MICAL2: variants seen among roughly 807,000 people sequenced by gnomAD.
MICAL2 encodes the protein [F-actin]-monooxygenase MICAL2.
MICAL2 carries 77 observed loss-of-function variants against 127.3 expected under a neutral mutation model. The ratio of observed to expected loss-of-function variants is 0.60; its 90% confidence interval spans 0.50 to 0.73. The LOEUF is 0.73. MICAL2 is among the 30% of genes least tolerant of loss of function. The pLI is 0.00. For synonymous variants in MICAL2, 570 were observed against 551.1 expected (o/e 1.03, Z -0.48); for missense variants, 1,351 against 1,434.4 (o/e 0.94, Z 0.94).
intron 31 of MICAL2, among the ~76,000 whole-genome samples, chr11:12,325,143 T>C (rs1864340682): frequency 6.6e-6 from 1 of 152,184 alleles, no homozygotes; most frequent in African/African-American, 2.4e-5. Flanking sequence ...AGAGTCTTGC[T>C]GTGTCACCCA....
intron 3 of MICAL2, among the ~76,000 whole-genome samples, chr11:12,192,551 G>A (rs981447004): frequency 6.6e-6 from 1 of 152,150 alleles, no homozygotes; most frequent in East Asian, 1.9e-4. Flanking sequence ...AGGCGGGCGG[G>A]TGAATCACTT....
intron 29 of MICAL2, among the ~76,000 whole-genome samples, chr11:12,306,475 C>A (rs1864111077): frequency 6.6e-6 from 1 of 152,150 alleles, no homozygotes; most frequent in South Asian, 2.1e-4. Flanking sequence ...GTATAATTTA[C>A]ATGCAATAAA....
At chr11:12,207,179 C>G (rs942774184) in intron 4 of MICAL2, among the ~76,000 whole-genome samples, 2 of 152,098 alleles carry the variant, frequency 1.3e-5, no homozygotes, top group African/African-American at 4.8e-5. Flanking sequence ...TCCAGGACCC[C>G]CACTAAGGCC....
intron 1 of MICAL2, among the ~76,000 whole-genome samples, chr11:12,127,599 C>T (rs1851051073): frequency 6.6e-6 from 1 of 152,094 alleles, no homozygotes; most frequent in Non-Finnish European, 1.5e-5. Flanking sequence ...TTCACTGACT[C>T]ACCCTGTCAC....
At chr11:12,322,447 T>C (rs1352334105) in intron 30 of MICAL2, among the ~76,000 whole-genome samples, 2 of 152,182 alleles carry the variant, frequency 1.3e-5, no homozygotes, top group African/African-American at 2.4e-5. Flanking sequence ...ATGGAATAAG[T>C]TGAGTTCTGA....
downstream of MICAL2, among the ~76,000 whole-genome samples, chr11:12,359,370 T>G (rs556035153): frequency 6.6e-6 from 1 of 152,088 alleles, no homozygotes; most frequent in South Asian, 2.1e-4. Flanking sequence ...CTTCTTTTAT[T>G]TGTTGATAAA....
At position 12,349,997 on chromosome 11, in the gene MICAL2, C is replaced by T. The variant is rs76259394; in HGVS notation, c.5615+60C>T. ...AAAGCAAAGGGGCAAAGGGGGGTGG[C>T]TTACCCTCCTAGGCCGAAGTCTCGG... On this transcript the variant is annotated intron_variant, in intron 33 of 34. Coordinates refer to the MICAL2 transcript ENST00000646065. 2.0e-3 allele frequency: 2,806 copies of T among 1,405,570 alleles called. 44 individuals are homozygous for T. In the African/African-American group the frequency reaches 0.034, roughly 17 times the overall value. 87.1% of individuals were successfully genotyped at this position (1,405,570 alleles called of 1,614,324 possible).
intron 3 of MICAL2, among the ~76,000 whole-genome samples, chr11:12,166,424 T>C (rs150858898): frequency 2.0e-5 from 3 of 152,364 alleles, no homozygotes; most frequent in Admixed American, 6.5e-5. Flanking sequence ...GAGCTTTATG[T>C]GAAGACAGAT....
chr11:12,222,524 T>A, intron 10 of MICAL2, 93 bp from the exon 11 acceptor site: 1 of 1,538,210 alleles, frequency 6.5e-7, no homozygotes, highest in Non-Finnish European at 8.9e-7. Flanking sequence ...CAGGAAGCCC[T>A]TGAGCCAGAG....
chr11:12,294,224 C>T (rs2134789313), downstream of MICAL2: 1 of 1,614,122 alleles, frequency 6.2e-7, no homozygotes, highest in East Asian at 2.2e-5. Flanking sequence ...AAACGTGCCT[C>T]CACCCAAGTC....
In MICAL2 at chr11:12,259,842, C is replaced by G; in HGVS notation, c.3279C>G (p.Pro1093=). ...AGGAAGCCCCTCGGAGAGACACTCC[C>G]ACCGAAAGTTCTTGCGCAGTGGCCG... is the stretch of plus-strand genomic sequence containing the variant. ...QEQEAPRRDT[P]TESSCAVAAI... The change falls in exon 26 of 28, where the codon CCC becomes CCG. Residue 1093 remains proline (P), a synonymous_variant. Transcript: ENST00000683283. The G allele has an allele frequency of 6.3e-7, 1 of 1,598,724 alleles. No individual in the cohort carries two copies. Among genetic ancestry groups the G allele is most frequent in the Non-Finnish European group, 8.5e-7 (1 of 1,171,194 alleles).
At chr11:12,359,953 C>T (rs1350739349), downstream of MICAL2, among the ~76,000 whole-genome samples, 3 of 152,104 alleles carry the variant, frequency 2.0e-5, no homozygotes, top group Non-Finnish European at 4.4e-5. Context: ...GCTCTCTGCA[C>T]GCACCAATCT....
At chr11:12,323,292 G>A (rs753185468) in intron 30 of MICAL2, among the ~76,000 whole-genome samples, 1 of 152,144 alleles carries the variant, frequency 6.6e-6, no homozygotes, top group Non-Finnish European at 1.5e-5. Flanking sequence ...AAGTGAGGTT[G>A]GGAAGAGAAG....
intron 29 of MICAL2, among the ~76,000 whole-genome samples, chr11:12,306,287 T>C (rs1864108043): frequency 6.6e-6 from 1 of 152,134 alleles, no homozygotes; most frequent in Admixed American, 6.5e-5. Flanking sequence ...TTTCAACATT[T>C]TTTTTTTGAG....
At chr11:12,360,736 A>G (rs368548796), downstream of MICAL2, among the ~76,000 whole-genome samples, 1 of 152,212 alleles carries the variant, frequency 6.6e-6, no homozygotes, top group South Asian at 2.1e-4. Context: ...CTGTTAATAG[A>G]TGAGAGAAGC....
rs1854913867 is a variant in MICAL2, at chr11:12,207,789, T to TA, written c.473-234_473-233insA. 3 of 441,856 alleles carry TA rather than the reference T, an allele frequency of 6.8e-6. No homozygotes were observed. In the South Asian group the frequency reaches 1.2e-4, roughly 18 times the overall value. The allele number at this position is 441,856 out of a possible 1,614,324, so 27.4% of individuals were successfully genotyped here. ...GCCTTGAGCAAGTCATTTAACTTTG[T>TA]TAAGCCTCAATTTCTCATCTACAGA... On this transcript the variant is annotated intron_variant, in intron 4 of 27. Coordinates refer to ENST00000683283, the MANE Select transcript of MICAL2 (RefSeq NM_001282663.2).
At chr11:12,260,508 AC>A in intron 26 of MICAL2, 8 of 1,051,344 alleles carry the variant, frequency 7.6e-6, no homozygotes, top group Non-Finnish European at 9.2e-6. Context: ...GAAGCTTATA[AC>A]CAGTTTTATA....
intron 2 of MICAL2, among the ~76,000 whole-genome samples, chr11:12,143,086 G>T (rs751244641): frequency 6.6e-6 from 1 of 152,190 alleles, no homozygotes; most frequent in South Asian, 2.1e-4. Context: ...CTCCCTTATC[G>T]CTCTGGAAGC....
Position 12,279,518 on chromosome 11 carries a change from C to T in MICAL2, c.88-1415C>T, listed in dbSNP as rs79637069. Among the ~76,000 whole-genome samples, 5,524 of 152,240 alleles carry T rather than the reference C, an allele frequency of 0.036. 556 individuals are homozygous for T. The East Asian group carries it at 0.4, about 11-fold the overall frequency. ...GCCTTCAGAGTCTTCTAAGCCTCCA[C>T]GTAGGCAGGCCTGTTTCCATAATAA... On this transcript the variant is annotated intron_variant, in intron 1 of 2. Coordinates refer to the MICAL2 transcript ENST00000529028.
Sources: gnomAD v4.1 joint callset for allele counts (sites outside exome capture counted in the v4.1 genomes callset) on GRCh38, gnomAD v4.1.1 for gene constraint, MANE v1.5 for transcripts, NCBI Gene and HGNC (gene_info 2026-07-23, HGNC 2026-07-21) for gene names.